The following CNTN5 variants were observed in gnomAD, a reference collection of about 807,000 sequenced individuals.
CNTN5 encodes the protein contactin 5, also known as contactin-5.
CNTN5 carries 77 observed loss-of-function variants against 129.1 expected under a neutral mutation model. That is an observed-to-expected ratio of 0.60 (90% CI 0.50 to 0.72). The LOEUF (loss-of-function observed/expected upper bound fraction) is 0.72. Ranked by LOEUF, CNTN5 falls within the 30% of genes least tolerant of loss-of-function variation. The pLI is 0.00. For synonymous variants in CNTN5, 509 were observed against 465.6 expected (o/e 1.09, Z -1.20); for missense variants, 1,478 against 1,328.8 (o/e 1.11, Z -1.75).
chr11:100,030,674 T>A (rs1292445621), intron 9 of CNTN5, among the ~76,000 whole-genome samples: 1 of 151,698 alleles, frequency 6.6e-6, no homozygotes, highest in African/African-American at 2.4e-5. Context: ...GAATAATGAC[T>A]TCATAGAGAA....
rs190086594 is a variant in CNTN5 at position 99,506,740 on chromosome 11, T to C, written c.-70-49405T>C. ...ATACTGTTTTAATTGTTATTGTCTG[T>C]TTACTTCATAGTAGTAATTGTAGGA... On this transcript the variant is annotated intron_variant, in intron 2 of 24. Transcript: ENST00000524871. 3.3e-5 allele frequency among the ~76,000 whole-genome samples: 5 copies of C among 152,306 alleles called. No homozygotes were observed. The East Asian group carries it at 9.6e-4, about 29-fold the overall frequency.
rs573363977 is a variant in CNTN5, at chr11:99,549,855, C to A, written c.-70-6290C>A. On this transcript the variant is annotated intron_variant, in intron 2 of 24. Coordinates refer to ENST00000524871, the MANE Select transcript of CNTN5 (RefSeq NM_014361.4). ...GATTCTAGAGTAGTTATCTTTTTTTCTTTCTGATTCCAGTATCCATTAATT... is the reference window on the plus strand; with the variant it reads ...GATTCTAGAGTAGTTATCTTTTTTTATTTCTGATTCCAGTATCCATTAATT... Among the ~76,000 whole-genome samples, 4 of 152,022 alleles carry A rather than the reference C, an allele frequency of 2.6e-5. No individual in the cohort carries two copies. The East Asian group carries it at 7.8e-4, about 30-fold the overall frequency.
chr11:99,819,762 G>C lies in CNTN5; in HGVS notation c.274G>C (p.Asp92His). The C allele has an allele frequency of 8.2e-6, 1 of 122,416 alleles. No homozygotes were observed. The highest frequency in any genetic ancestry group is 1.3e-5 in the Non-Finnish European group (1 of 76,372). 7.6% of individuals were successfully genotyped at this position (122,416 alleles called of 1,614,324 possible). The change falls in exon 4 of 25, where the codon GAT becomes CAT. Residue 92 changes from aspartate (D) to histidine (H), a missense_variant. Physicochemically the swap from Asp to His is moderately conservative, Grantham distance 81. Coordinates refer to ENST00000524871, the MANE Select transcript of CNTN5 (RefSeq NM_014361.4). ...LYHSSDAFKQ[D>H]ESVDYGPVFV... is the part of the protein sequence containing the mutation. The stretch of plus-strand genomic sequence containing the variant: ...TCATTCCTCAGATGCCTTCAAACAA[G>C]ATGGTAAGTGTCAAAGGAAAATGGC...
chr11:99,635,875 A>C (rs1951531714), intron 3 of CNTN5, among the ~76,000 whole-genome samples: 1 of 152,122 alleles, frequency 6.6e-6, no homozygotes, highest in African/African-American at 2.4e-5. Context: ...CCCAGGAAAA[A>C]ATTTCCCAAG....
Position 99,410,680 on chromosome 11 carries a change from G to A in CNTN5, c.-71+85196G>A, listed in dbSNP as rs960131458. ...ACAATCAGCAAACTTTTCATTAGAA[G>A]GAACTTTAAAAGGTTTGCTGATTTG... On this transcript the variant is annotated intron_variant, in intron 2 of 24. Transcript: ENST00000524871. 2.6e-5 allele frequency among the ~76,000 whole-genome samples: 4 copies of A among 152,154 alleles called. No individual in the cohort carries two copies. The East Asian group carries it at 7.7e-4, about 29-fold the overall frequency.
intron 8 of CNTN5, among the ~76,000 whole-genome samples, chr11:99,987,621 G>A (rs1336954618): frequency 6.6e-6 from 1 of 151,680 alleles, no homozygotes; most frequent in African/African-American, 2.4e-5. Context: ...TGGGGTGGTA[G>A]AGAGGAAAGA....
At chr11:99,655,640 A>C (rs1231862225) in intron 3 of CNTN5, among the ~76,000 whole-genome samples, 1 of 152,042 alleles carries the variant, frequency 6.6e-6, no homozygotes, top group Non-Finnish European at 1.5e-5. Context: ...TTGAACACGG[A>C]ATACTGAAAA....
At position 99,523,217 on chromosome 11, in the gene CNTN5, G is replaced by A. The variant is rs75662226; in HGVS notation, c.-70-32928G>A. Among the ~76,000 whole-genome samples, 716 of 152,168 alleles carry A rather than the reference G, an allele frequency of 4.7e-3. 22 individuals are homozygous for A. In the East Asian group the frequency reaches 0.093, roughly 20 times the overall value. ...CTCTTCCTTTGTGTCAACTACTTGC[G>A]TACATTGAGTATACTCTTATTATTG... On this transcript the variant is annotated intron_variant, in intron 2 of 24. Coordinates refer to ENST00000524871, the MANE Select transcript of CNTN5 (RefSeq NM_014361.4).
At chr11:99,970,265 C>G (rs1361908406) in intron 8 of CNTN5, among the ~76,000 whole-genome samples, 1 of 152,116 alleles carries the variant, frequency 6.6e-6, no homozygotes, top group Admixed American at 6.5e-5. Context: ...CTGTCAAAAA[C>G]ATTGCCATAT....
intron 3 of CNTN5, among the ~76,000 whole-genome samples, chr11:99,601,990 T>C (rs925622310): frequency 3.8e-4 from 58 of 152,156 alleles, no homozygotes; most frequent in African/African-American, 8.7e-4. Context: ...CCTATATACC[T>C]ATATATACCT....
intron 3 of CNTN5, among the ~76,000 whole-genome samples, chr11:99,804,547 C>A (rs1946211477): frequency 7.0e-6 from 1 of 143,460 alleles, no homozygotes; most frequent in Admixed American, 7.4e-5. Context: ...AAAAAAAACT[C>A]AGTAAAGTAT....
At chr11:100,055,337 T>C (rs1565833757) in intron 9 of CNTN5, among the ~76,000 whole-genome samples, 1 of 151,630 alleles carries the variant, frequency 6.6e-6, no homozygotes, top group Non-Finnish European at 1.5e-5. Context: ...TGTCCCTTTT[T>C]ATACACACAC....
At chr11:100,298,931 A>G (rs1951158331) in intron 19 of CNTN5, among the ~76,000 whole-genome samples, 1 of 151,254 alleles carries the variant, frequency 6.6e-6, no homozygotes, top group African/African-American at 2.4e-5. Context: ...AATTCTCTTG[A>G]GAGTTTTTGT....
chr11:99,168,816 A>G (rs1471732731), intron 1 of CNTN5, among the ~76,000 whole-genome samples: 1 of 152,228 alleles, frequency 6.6e-6, no homozygotes, highest in Non-Finnish European at 1.5e-5. Flanking sequence ...CATATGGAAG[A>G]AGAAGAAATA....
intron 7 of CNTN5, among the ~76,000 whole-genome samples, chr11:99,926,803 A>G (rs905603557): frequency 6.6e-6 from 1 of 152,086 alleles, no homozygotes; most frequent in Non-Finnish European, 1.5e-5. Flanking sequence ...TATCACACAG[A>G]CTTTCATTTT....
At chr11:99,897,845 G>T (rs1949248395) in intron 6 of CNTN5, among the ~76,000 whole-genome samples, 1 of 152,134 alleles carries the variant, frequency 6.6e-6, no homozygotes, top group African/African-American at 2.4e-5. Context: ...AAAACATGTA[G>T]TGGCAAATTG....
At chr11:99,660,628 G>A (rs369842707) in intron 3 of CNTN5, among the ~76,000 whole-genome samples, 30 of 152,052 alleles carry the variant, frequency 2.0e-4, no homozygotes, top group Non-Finnish European at 7.4e-5. Context: ...TGTATTTTTG[G>A]TAGAGCCAGC....
intron 6 of CNTN5, among the ~76,000 whole-genome samples, chr11:99,846,065 T>A (rs1947683522): frequency 6.6e-6 from 1 of 152,094 alleles, no homozygotes; most frequent in Middle Eastern, 3.4e-3. Context: ...ATTTTGACTA[T>A]ATCTCCTAGA....
chr11:99,735,431 AT>A (rs1565474764), intron 3 of CNTN5, among the ~76,000 whole-genome samples: 2 of 152,214 alleles, frequency 1.3e-5, no homozygotes, highest in African/African-American at 4.8e-5. Flanking sequence ...TATTTCACCA[AT>A]TTTGGTTAAA....
Sources: gnomAD v4.1 joint callset for allele counts (sites outside exome capture counted in the v4.1 genomes callset) on GRCh38, gnomAD v4.1.1 for gene constraint, MANE v1.5 for transcripts, NCBI Gene and HGNC (gene_info 2026-07-23, HGNC 2026-07-21) for gene names.